The following HCN1 variants were observed in gnomAD, a reference collection of about 807,000 sequenced individuals.
HCN1 encodes the protein hyperpolarization activated cyclic nucleotide gated potassium channel 1, also known as potassium/sodium hyperpolarization-activated cyclic nucleotide-gated channel 1.
In HCN1, 13 loss-of-function variants were observed where a neutral mutation model predicts 78.9. The observed-to-expected ratio is 0.16, with a 90% CI of 0.11 to 0.26. The LOEUF (loss-of-function observed/expected upper bound fraction) is 0.26. Ranked by LOEUF, HCN1 falls within the 10% of genes least tolerant of loss-of-function variation. The pLI is 1.00. For missense variants in HCN1, 810 were observed against 1,154.3 expected (o/e 0.70, Z 4.32); for synonymous variants, 552 against 455.5 (o/e 1.21, Z -2.70).
intron 3 of HCN1, among the ~76,000 whole-genome samples, chr5:45,435,666 A>T (rs1013890194): frequency 1.3e-5 from 2 of 152,156 alleles, no homozygotes; most frequent in African/African-American, 4.8e-5. Flanking sequence ...TGGGTTTAAT[A>T]TCAATAAAGA....
chr5:45,373,312 T>A (rs1250086742), intron 4 of HCN1, among the ~76,000 whole-genome samples: 4 of 118,334 alleles, frequency 3.4e-5, no homozygotes, highest in Non-Finnish European at 1.6e-5. Flanking sequence ...ATATACTATA[T>A]ATAAAATATA....
At chr5:45,577,825 TTGAAC>T (rs138905528) in intron 2 of HCN1, among the ~76,000 whole-genome samples, 9,829 of 152,116 alleles carry the variant, frequency 0.065, 386 homozygotes, top group East Asian at 0.15. Context: ...CATCTGTTCT[TTGAAC>T]TGAATTTGAA....
chr5:45,349,614 G>T (rs1018404825), intron 5 of HCN1, among the ~76,000 whole-genome samples: 4 of 152,022 alleles, frequency 2.6e-5, no homozygotes, highest in Non-Finnish European at 5.9e-5. Context: ...CAACAAAATT[G>T]ATAGACCGCT....
intron 4 of HCN1, among the ~76,000 whole-genome samples, chr5:45,378,580 T>C (rs560056832): frequency 1.3e-5 from 2 of 152,204 alleles, no homozygotes; most frequent in South Asian, 4.1e-4. Context: ...CATTGATTAA[T>C]TTTCCAATGT....
At chr5:45,518,611 C>T (rs1038117704) in intron 2 of HCN1, among the ~76,000 whole-genome samples, 4 of 151,924 alleles carry the variant, frequency 2.6e-5, no homozygotes, top group African/African-American at 9.7e-5. Context: ...ATAGAAGAGA[C>T]CATTTGATGG....
chr5:45,323,877 C>G (rs1250455449), intron 5 of HCN1, among the ~76,000 whole-genome samples: 2 of 151,964 alleles, frequency 1.3e-5, no homozygotes, highest in Non-Finnish European at 2.9e-5. Flanking sequence ...CATGTCCCTA[C>G]AAAGGACATG....
intron 6 of HCN1, among the ~76,000 whole-genome samples, chr5:45,297,671 C>T: frequency 6.6e-6 from 1 of 151,958 alleles, no homozygotes; most frequent in East Asian, 1.9e-4. Context: ...AATAAAAATG[C>T]ATAGAATAAT....
At chr5:45,624,180 G>A (rs146517056) in intron 2 of HCN1, among the ~76,000 whole-genome samples, 5 of 152,302 alleles carry the variant, frequency 3.3e-5, no homozygotes, top group East Asian at 1.9e-4. Context: ...ACTGTGAGAT[G>A]CTATGATTTG....
intron 2 of HCN1, among the ~76,000 whole-genome samples, chr5:45,496,697 T>A (rs952262334): frequency 4.6e-5 from 7 of 152,202 alleles, no homozygotes; most frequent in East Asian, 1.9e-4. Context: ...TTTGTGTCTC[T>A]ATTTCCTTCA....
intron 2 of HCN1, among the ~76,000 whole-genome samples, chr5:45,498,133 G>C (rs541313704): frequency 7.9e-5 from 12 of 152,276 alleles, no homozygotes; most frequent in African/African-American, 2.6e-4. Flanking sequence ...ATGTTGGCCT[G>C]CCTTGCTAGA....
intron 2 of HCN1, among the ~76,000 whole-genome samples, chr5:45,536,363 A>G (rs1005529275): frequency 2.0e-5 from 3 of 152,102 alleles, no homozygotes; most frequent in Admixed American, 6.5e-5. Context: ...GTCCATGCTC[A>G]TTATTCTTCC....
chr5:45,376,483 C>G (rs1186066844), intron 4 of HCN1, among the ~76,000 whole-genome samples: 1 of 150,010 alleles, frequency 6.7e-6, no homozygotes, highest in Admixed American at 6.8e-5. Context: ...GTGTCTTGAT[C>G]TTGGACTTGT....
At chr5:45,610,309 T>C (rs1383824229) in intron 2 of HCN1, among the ~76,000 whole-genome samples, 1 of 151,908 alleles carries the variant, frequency 6.6e-6, no homozygotes, top group Non-Finnish European at 1.5e-5. Flanking sequence ...TCTGTGAAAA[T>C]ATAAAGTCAT....
At chr5:45,481,223 G>T (rs1354855846) in intron 2 of HCN1, among the ~76,000 whole-genome samples, 1 of 152,198 alleles carries the variant, frequency 6.6e-6, no homozygotes, top group African/African-American at 2.4e-5. Context: ...TGGCAGAAGA[G>T]AATTTGGCAT....
chr5:45,589,990 G>A (rs951059772), intron 2 of HCN1, among the ~76,000 whole-genome samples: 5 of 152,096 alleles, frequency 3.3e-5, no homozygotes, highest in African/African-American at 9.7e-5. Flanking sequence ...ATCAAGGCAA[G>A]ATATCAATTG....
intron 2 of HCN1, among the ~76,000 whole-genome samples, chr5:45,541,367 C>T (rs1743104079): frequency 1.3e-5 from 2 of 152,192 alleles, no homozygotes; most frequent in Admixed American, 6.6e-5. Flanking sequence ...TAGTGTTACC[C>T]TGCCTTCTTG....
chr5:45,539,216 C>G (rs1743038822), intron 2 of HCN1, among the ~76,000 whole-genome samples: 1 of 152,092 alleles, frequency 6.6e-6, no homozygotes, highest in Non-Finnish European at 1.5e-5. Flanking sequence ...TTCTGCCACA[C>G]AGTATATTTT....
rs905624584 is a variant in HCN1 at position 45,695,731 on chromosome 5, T to C, written c.363A>G (p.Glu121=). 6.2e-7 allele frequency: 1 copy of C among 1,612,544 alleles called. No homozygotes were observed. The highest frequency in any genetic ancestry group is 8.5e-7 in the Non-Finnish European group (1 of 1,179,686). The change falls in exon 1 of 8, where the codon GAA becomes GAG. Residue 121 remains glutamate (E), a synonymous_variant. Transcript: ENST00000303230. ...LRMFGSQKAV[E]KEQERVKTAG... is the part of the protein sequence containing the mutation. ...CAGTTTTAACCCTTTCCTGCTCCTT[T>C]TCCACCGCCTTCTGGCTCCCAAACA...
At chr5:45,640,987 T>A (rs770955414) in intron 2 of HCN1, among the ~76,000 whole-genome samples, 1 of 150,876 alleles carries the variant, frequency 6.6e-6, no homozygotes, top group East Asian at 2.0e-4. Context: ...TGGGTGCAAA[T>A]ATGAAGTGAC....
Sources: allele counts gnomAD v4.1 joint callset (sites outside exome capture counted in the v4.1 genomes callset), GRCh38; gene constraint gnomAD v4.1.1; transcripts MANE v1.5; gene names NCBI Gene and HGNC (gene_info 2026-07-23, HGNC 2026-07-21).